SCGB2B2: variants seen among roughly 807,000 people sequenced by gnomAD.
The protein encoded by SCGB2B2 is secretoglobin-like protein.
SCGB2B2 carries 11 observed loss-of-function variants against 7.6 expected under a neutral mutation model. That is an observed-to-expected ratio of 1.45 (90% CI 0.91 to 2.40). The LOEUF (loss-of-function observed/expected upper bound fraction) is 2.40. SCGB2B2 is among the 30% of genes most tolerant of loss of function. The pLI is 0.00. For missense variants in SCGB2B2, 104 were observed against 115.4 expected, an observed-to-expected ratio of 0.90 and a Z score of 0.45; for synonymous variants, 50 against 48.6, an observed-to-expected ratio of 1.03 and a Z score of -0.12.
At chr19:34,658,813 C>CAAAA (rs138363297) in intron 1 of SCGB2B2, among the ~76,000 whole-genome samples, 75 of 101,954 alleles carry the variant, frequency 7.4e-4, no homozygotes, top group African/African-American at 2.7e-3. Context: ...ACAACAACAA[C>CAAAA]AAAAAAAAAA....
chr19:34,602,570 T>C (rs1568429223), intron 1 of SCGB2B2, among the ~76,000 whole-genome samples: 2 of 152,122 alleles, frequency 1.3e-5, no homozygotes, highest in Admixed American at 6.6e-5. Flanking sequence ...GGTTGATATA[T>C]TGGAGATAAG....
chr19:34,673,229 C>T (rs892827478), intron 1 of SCGB2B2, among the ~76,000 whole-genome samples: 2 of 151,402 alleles, frequency 1.3e-5, no homozygotes, highest in Admixed American at 6.6e-5. Context: ...CTCCTTATTG[C>T]TCTCTCTCTC....
In SCGB2B2 at chr19:34,593,110, T is replaced by A. The variant is rs2065341981; in HGVS notation, c.*445A>T. 6.6e-6 allele frequency among the ~76,000 whole-genome samples: 1 copy of A among 152,060 alleles called. No homozygotes were observed. The highest frequency in any genetic ancestry group is 2.4e-5 in the African/African-American group (1 of 41,398). ...GTTGAGGTAGGTGGATCATTTGCGG[T>A]CAGGAGTTTGAGACCAGCCTGGCCA... On this transcript the variant is annotated 3_prime_UTR_variant, in exon 4 of 4. Transcript: ENST00000601241.
Position 34,600,663 on chromosome 19 carries a change from T to C in SCGB2B2, c.-2031-4069A>G, listed in dbSNP as rs138179171. ...TGAGGCCTCTTCATGTGTTTATTCG[T>C]CATTTAGTGAAATGTGAATGGAATC... On this transcript the variant is annotated intron_variant, in intron 1 of 3. Transcript: ENST00000601241. Among the ~76,000 whole-genome samples, 413 of 152,336 alleles carry C rather than the reference T, an allele frequency of 2.7e-3. 1 individual carries two copies. Among genetic ancestry groups the C allele is most frequent in the African/African-American group, 9.4e-3 (392 of 41,570 alleles).
chr19:34,669,221 T>A (rs35606460), intron 1 of SCGB2B2, among the ~76,000 whole-genome samples: 45,318 of 152,036 alleles, frequency 0.3, 7,526 homozygotes, highest in Non-Finnish European at 0.37. Context: ...AACCCACCAA[T>A]TCCAGACACA....
At chr19:34,630,439 A>T in intron 1 of SCGB2B2, among the ~76,000 whole-genome samples, 1 of 152,008 alleles carries the variant, frequency 6.6e-6, no homozygotes, top group East Asian at 1.9e-4. Context: ...CAACCCCATC[A>T]ACAAGTGGGC....
chr19:34,603,596 A>G (rs1281190776), intron 1 of SCGB2B2, among the ~76,000 whole-genome samples: 1 of 152,166 alleles, frequency 6.6e-6, no homozygotes, highest in Non-Finnish European at 1.5e-5. Context: ...GAGGAAAATG[A>G]GAGCAATGTC....
chr19:34,604,829 A>G (rs2065733786), intron 1 of SCGB2B2, among the ~76,000 whole-genome samples: 1 of 152,124 alleles, frequency 6.6e-6, no homozygotes, highest in Admixed American at 6.5e-5. Context: ...TTGTATTTTT[A>G]TATCTTGTAT....
chr19:34,597,198 T>C (rs2065482048), intron 1 of SCGB2B2, among the ~76,000 whole-genome samples: 1 of 152,008 alleles, frequency 6.6e-6, no homozygotes, highest in South Asian at 2.1e-4. Flanking sequence ...GAGAGGAAGT[T>C]CCTGCCTGTG....
rs1327217054 is a variant in SCGB2B2, at chr19:34,676,398, G to A, written c.-2800C>T. The A allele has an allele frequency of 6.6e-6, 1 of 152,174 alleles. No individual in the cohort carries two copies. Among genetic ancestry groups the A allele is most frequent in the East Asian group, 1.9e-4 (1 of 5,198 alleles). The allele number at this position is 152,174 out of a possible 1,614,324, so 9.4% of individuals were successfully genotyped here. A position where few individuals can be genotyped will look rare whatever the true frequency, so the allele number is the denominator to read the frequency against. On this transcript the variant is annotated 5_prime_UTR_variant, in exon 1 of 4. Transcript: ENST00000601241. Reference sequence around the variant, plus strand: ...GTAAGGTTCAGAAGTTACCCTGTATGGTTCAAAAAGCTGGGAAGCCCTCAG... The same window carrying A: ...GTAAGGTTCAGAAGTTACCCTGTATAGTTCAAAAAGCTGGGAAGCCCTCAG...
At chr19:34,606,080 T>C (rs1280834482) in intron 1 of SCGB2B2, among the ~76,000 whole-genome samples, 2 of 151,838 alleles carry the variant, frequency 1.3e-5, no homozygotes, top group African/African-American at 4.8e-5. Context: ...TTTTAAAATT[T>C]TTTAAAAAAA....
intron 1 of SCGB2B2, among the ~76,000 whole-genome samples, chr19:34,620,337 A>G (rs1248903172): frequency 6.6e-6 from 1 of 152,150 alleles, no homozygotes; most frequent in Non-Finnish European, 1.5e-5. Context: ...ACCATGGAAT[A>G]TTATGCAGCC....
chr19:34,586,355 T>C (rs148517436), downstream of SCGB2B2, among the ~76,000 whole-genome samples: 155 of 152,334 alleles, frequency 1.0e-3, 1 homozygote, highest in African/African-American at 3.6e-3. Context: ...AGAACCACCA[T>C]AATGATCAAA....
chr19:34,648,497 G>T (rs2067079402), intron 1 of SCGB2B2, among the ~76,000 whole-genome samples: 1 of 152,082 alleles, frequency 6.6e-6, no homozygotes, highest in African/African-American at 2.4e-5. Flanking sequence ...ATATTTGTCT[G>T]GTTACCATGA....
intron 1 of SCGB2B2, among the ~76,000 whole-genome samples, chr19:34,644,350 G>GTTTTTTTTTT (rs76842372): frequency 2.5e-5 from 3 of 120,728 alleles, no homozygotes; most frequent in African/African-American, 8.7e-5. Context: ...TTGTTTTTTT[G>GTTTTTTTTTT]TTTTTTTTTT....
rs2065302258 is a variant in SCGB2B2 at position 34,591,728 on chromosome 19, C to T, written c.*1827G>A. ...ATCATGCCGCATTCCCTGCCCCAGACCTTCACCTGGTGGCTGCCTCAGGTT... is the reference window on the plus strand; with the variant it reads ...ATCATGCCGCATTCCCTGCCCCAGATCTTCACCTGGTGGCTGCCTCAGGTT... On this transcript the variant is annotated 3_prime_UTR_variant, in exon 4 of 4. Transcript: ENST00000601241. Among the ~76,000 whole-genome samples the T allele has an allele frequency of 1.3e-5, 2 of 152,248 alleles. No homozygotes were observed.
chr19:34,642,345 T>C (rs930206868), intron 1 of SCGB2B2, among the ~76,000 whole-genome samples: 16 of 152,066 alleles, frequency 1.1e-4, no homozygotes, highest in Non-Finnish European at 5.9e-5. Flanking sequence ...GATTGTACCA[T>C]GGCACATATG....
At position 34,591,026 on chromosome 19, in the gene SCGB2B2, T is replaced by G. The variant is rs2065284872; in HGVS notation, c.*2529A>C. Among the ~76,000 whole-genome samples, 11 of 152,244 alleles carry G rather than the reference T, an allele frequency of 7.2e-5. 1 individual carries two copies. Among genetic ancestry groups the G allele is most frequent in the Admixed American group, 7.2e-4 (11 of 15,292 alleles). Reference sequence around the variant, plus strand: ...AATTGAGACTGAATAAGTAGCATGATCTGCATTATTTTCTTTAGCTCCACA... The same window carrying G: ...AATTGAGACTGAATAAGTAGCATGAGCTGCATTATTTTCTTTAGCTCCACA... On this transcript the variant is annotated 3_prime_UTR_variant, in exon 4 of 4. Coordinates refer to ENST00000601241, the MANE Select transcript of SCGB2B2 (RefSeq NM_001025591.4).
chr19:34,667,395 C>T (rs2067662234), intron 1 of SCGB2B2, among the ~76,000 whole-genome samples: 1 of 152,126 alleles, frequency 6.6e-6, no homozygotes, highest in African/African-American at 2.4e-5. Flanking sequence ...CGAATCTCTG[C>T]CCAGGCAGCC....
Sources: gnomAD v4.1 joint callset for allele counts (sites outside exome capture counted in the v4.1 genomes callset) on GRCh38, gnomAD v4.1.1 for gene constraint, MANE v1.5 for transcripts, NCBI Gene and HGNC (gene_info 2026-07-23, HGNC 2026-07-21) for gene names.